Variants in BRSK1 observed in about 807,000 individuals in gnomAD.
The protein encoded by BRSK1 is serine/threonine-protein kinase BRSK1.
In BRSK1, 17 loss-of-function variants were observed where a neutral mutation model predicts 86.2. The ratio of observed to expected loss-of-function variants is 0.20; its 90% CI spans 0.14 to 0.30. The LOEUF (loss-of-function observed/expected upper bound fraction) is 0.30, where lower values mean the gene tolerates loss of function less well. Among genes scored for constraint, BRSK1 ranks in the 10% least tolerant of loss-of-function variants. The probability of loss-of-function intolerance (pLI) is 1.00; values close to 1 mark genes in which losing one functional copy is unlikely to be tolerated. For synonymous variants in BRSK1, 464 were observed against 440.1 expected (o/e 1.05, Z -0.68); for missense variants, 719 against 1,071.9 (o/e 0.67, Z 4.60).
chr19:55,289,753 A>C (rs1463524627), intron 4 of BRSK1, 133 bp downstream of exon 4: 22 of 1,186,116 alleles, frequency 1.9e-5, no homozygotes, highest in Non-Finnish European at 2.5e-5. Flanking sequence ...CATAACTCAT[A>C]CACCAGAAAA....
chr19:55,284,786 C>T (rs1252954904), intron 1 of BRSK1, among the ~76,000 whole-genome samples: 4 of 149,984 alleles, frequency 2.7e-5, no homozygotes, highest in African/African-American at 9.8e-5. Context: ...GGGCTGGGGG[C>T]CTGGACTCCT....
intron 7 of BRSK1, among the ~76,000 whole-genome samples, chr19:55,298,553 C>T (rs2088524220): frequency 6.6e-6 from 1 of 152,182 alleles, no homozygotes; most frequent in Non-Finnish European, 1.5e-5. Flanking sequence ...CAAAATGTAT[C>T]TGTAACCCAA....
chr19:55,288,961 T>A (rs12611091), intron 3 of BRSK1, among the ~76,000 whole-genome samples: 1 of 151,916 alleles, frequency 6.6e-6, no homozygotes, highest in East Asian at 1.9e-4. Flanking sequence ...CTTGGACTGG[T>A]GCAACCTTGC....
chr19:55,305,536 G>A lies in BRSK1; in HGVS notation c.1840G>A (p.Asp614Asn), dbSNP rs769830117. 6.8e-6 allele frequency: 11 copies of A among 1,614,044 alleles called. No individual in the cohort carries two copies. The African/African-American group carries it at 1.1e-4, about 16-fold the overall frequency. Residue 614 changes from aspartate to asparagine, a missense_variant, in exon 16 of 19, where the codon GAC becomes AAC. Asp to Asn is a conservative substitution (Grantham distance 23, BLOSUM62 1). Around this residue, in one of 6 missense-constraint regions of BRSK1, gnomAD observed 180 missense variants for 259.4 expected, o/e 0.69. Coordinates refer to ENST00000309383, the MANE Select transcript of BRSK1 (RefSeq NM_032430.2). The part of the protein sequence containing the change: ...KEEQIFLVLK[D>N]KPLSSIKADI... ...AGAACAAATATTCCTCGTGCTAAAG[G>A]ACAAACCTCTCAGCAGCATCAAAGC...
chr19:55,308,979 G>A (rs1355273082), intron 18 of BRSK1, among the ~76,000 whole-genome samples: 1 of 152,114 alleles, frequency 6.6e-6, no homozygotes, highest in African/African-American at 2.4e-5. Context: ...CCGAGAGGCT[G>A]GGGCCTGAGG....
Position 55,302,458 on chromosome 19 carries a change from G to T in BRSK1, c.858-239G>T. On this transcript the variant is annotated intron_variant, in intron 9 of 18. Transcript: ENST00000309383. This position sits in a 1 kb window ranked among gnomAD's most constrained non-coding sequence, Gnocchi z 6.3. ...GAGGGGCTGGGGGCCTGGACTTCTG[G>T]GTCTGAAGAAGGAGGGGCCGGGGGC... is the stretch of plus-strand genomic sequence containing the variant. 1 of 621,118 alleles carries T rather than the reference G, an allele frequency of 1.6e-6. No homozygotes were observed. Among genetic ancestry groups the T allele is most frequent in the South Asian group, 2.0e-5 (1 of 49,302 alleles). 38.5% of individuals were successfully genotyped at this position (621,118 alleles called of 1,614,324 possible).
Position 55,312,532 on chromosome 19 carries a change from G to GA in BRSK1, c.*464_*465insA. The GA allele has an allele frequency of 2.3e-5, 1 of 43,452 alleles. No individual in the cohort carries two copies. Among genetic ancestry groups the GA allele is most frequent in the African/African-American group, 2.9e-4 (1 of 3,440 alleles). The allele number at this position is 43,452 out of a possible 1,614,324, so 2.7% of individuals were successfully genotyped here. A position where few individuals can be genotyped will look rare whatever the true frequency, so the allele number is the denominator to read the frequency against. ...GTCCGTGTCTCTGATTCCGCCGGCGGCAAAAAAAAAAAAAAAAAAAAAAAA... is the reference window on the plus strand; with the variant it reads ...GTCCGTGTCTCTGATTCCGCCGGCGGACAAAAAAAAAAAAAAAAAAAAAAAA... On this transcript the variant is annotated 3_prime_UTR_variant, in exon 19 of 19. Transcript: ENST00000309383.
chr19:55,284,241 C>G lies in BRSK1; in HGVS notation c.-202C>G, dbSNP rs1266232692. 2.1e-6 allele frequency: 1 copy of G among 480,004 alleles called. No homozygotes were observed. Among genetic ancestry groups the G allele is most frequent in the Non-Finnish European group, 3.3e-6 (1 of 307,610 alleles). The allele number at this position is 480,004 out of a possible 1,614,324, so 29.7% of individuals were successfully genotyped here. A position where few individuals can be genotyped will look rare whatever the true frequency, so the allele number is the denominator to read the frequency against. On this transcript the variant is annotated 5_prime_UTR_variant, in exon 1 of 19. Coordinates refer to ENST00000309383, the MANE Select transcript of BRSK1 (RefSeq NM_032430.2). Reference sequence around the variant, plus strand: ...GGCCATGCTGACTCCCGGGGCCTGACCCCCCCGGGCCAGCCCCCCCTCCCC... The same window carrying G: ...GGCCATGCTGACTCCCGGGGCCTGAGCCCCCCGGGCCAGCCCCCCCTCCCC...
At chr19:55,299,331 A>G (rs1305263905) in intron 7 of BRSK1, among the ~76,000 whole-genome samples, 1 of 152,134 alleles carries the variant, frequency 6.6e-6, no homozygotes, top group Non-Finnish European at 1.5e-5. Flanking sequence ...ACTCTCAAGA[A>G]TAACAAGAAT....
intron 1 of BRSK1, among the ~76,000 whole-genome samples, chr19:55,285,544 C>G (rs2088297261): frequency 6.6e-6 from 1 of 152,150 alleles, no homozygotes; most frequent in Non-Finnish European, 1.5e-5. Context: ...GTTGGGGTGA[C>G]AGGGGCCGTG....
At position 55,302,397 on chromosome 19, in the gene BRSK1, A is replaced by G. The variant is rs2122975993; in HGVS notation, c.857+229A>G. On this transcript the variant is annotated intron_variant, in intron 9 of 18. Transcript: ENST00000309383. The surrounding 1 kb of genome is among the most constrained non-coding windows in gnomAD (Gnocchi z 6.3). ...CAGGACTCCCAGGTTTGAGGGAAAA[A>G]GGGACTGGGGGCCTGGACTCCTGGA... 1.2e-5 allele frequency: 7 copies of G among 601,414 alleles called. No homozygotes were observed. The highest frequency in any genetic ancestry group is 1.8e-5 in the Non-Finnish European group (6 of 342,172). The allele number at this position is 601,414 out of a possible 1,614,324, so 37.3% of individuals were successfully genotyped here.
intron 4 of BRSK1, among the ~76,000 whole-genome samples, chr19:55,289,996 T>C (rs1228829387): frequency 6.6e-6 from 1 of 152,100 alleles, no homozygotes; most frequent in African/African-American, 2.4e-5. Context: ...CTTTTTGTAT[T>C]GTTTTGTTTT....
At chr19:55,309,905 C>T (rs998818443) in intron 18 of BRSK1, among the ~76,000 whole-genome samples, 2 of 152,186 alleles carry the variant, frequency 1.3e-5, no homozygotes, top group South Asian at 2.1e-4. Flanking sequence ...CGTGGACAGC[C>T]GTCTGCTCTG....
rs866352526 is a variant in BRSK1, at chr19:55,303,561, C to T, written c.1127-106C>T. 21 of 1,490,456 alleles carry T rather than the reference C, an allele frequency of 1.4e-5. 1 individual carries two copies. In the South Asian group the frequency reaches 2.0e-4, roughly 14 times the overall value. The allele number at this position is 1,490,456 out of a possible 1,614,324, so 92.3% of individuals were successfully genotyped here. ...ACTTGCTCTTTGACATTTATCAAAT[C>T]CCCTCTCCACTCTAGGCCTGTTTCC... On this transcript the variant is annotated intron_variant, in intron 11 of 18. Transcript: ENST00000309383. This position sits in a 1 kb window ranked among gnomAD's most constrained non-coding sequence, Gnocchi z 5.1.
Position 55,304,243 on chromosome 19 carries a change from C to T in BRSK1, c.1347+133C>T. 1 of 949,806 alleles carries T rather than the reference C, an allele frequency of 1.1e-6. No homozygotes were observed. The highest frequency in any genetic ancestry group is 1.5e-6 in the Non-Finnish European group (1 of 648,568). The allele number at this position is 949,806 out of a possible 1,614,324, so 58.8% of individuals were successfully genotyped here. A position where few individuals can be genotyped will look rare whatever the true frequency, so the allele number is the denominator to read the frequency against. On this transcript the variant is annotated intron_variant, in intron 13 of 18. Coordinates refer to ENST00000309383, the MANE Select transcript of BRSK1 (RefSeq NM_032430.2). The surrounding 1 kb of genome is among the most constrained non-coding windows in gnomAD (Gnocchi z 5.2). The stretch of plus-strand genomic sequence containing the variant: ...CTTTGTCCCTGGAGGGCCAAAGACC[C>T]AAGGCCTCCAAAGTATTTTGGTCCA...
In BRSK1 at chr19:55,292,509, AGTTTTGGGCAC is replaced by A. The variant is rs990647149; in HGVS notation, c.459-1503_459-1493del. ...TGAGGCTTCCTCTTACTTTCTCTCC[AGTTTTGGGCAC>A]GTTTGTGATTGTCTATTATAAAAAG... On this transcript the variant is annotated intron_variant, in intron 4 of 18. Coordinates refer to ENST00000309383, the MANE Select transcript of BRSK1 (RefSeq NM_032430.2). 4.6e-5 allele frequency among the ~76,000 whole-genome samples: 7 copies of A among 152,192 alleles called. No individual in the cohort carries two copies. In the South Asian group the frequency reaches 1.5e-3, roughly 32 times the overall value.
intron 14 of BRSK1, 129 bp from the exon 15 acceptor site, chr19:55,305,192 G>A: frequency 7.5e-7 from 1 of 1,335,544 alleles, no homozygotes; most frequent in African/African-American, 1.5e-5. Context: ...CCCCGCCCAG[G>A]AGGGATGGCT....
At position 55,287,054 on chromosome 19, in the gene BRSK1, A is replaced by G. The variant is rs749610826; in HGVS notation, c.184A>G (p.Ile62Val). The G allele has an allele frequency of 2.1e-5, 34 of 1,613,618 alleles. No homozygotes were observed. Among genetic ancestry groups the G allele is most frequent in the Non-Finnish European group, 2.8e-5 (33 of 1,179,926 alleles). The change falls in exon 2 of 19, where the codon ATC (isoleucine) becomes GTC (valine). Residue 62 changes from isoleucine (I) to valine (V), a missense_variant. Around this residue, in one of 6 missense-constraint regions of BRSK1, gnomAD observed 71 missense variants for 92.6 expected, o/e 0.77. Coordinates refer to ENST00000309383, the MANE Select transcript of BRSK1 (RefSeq NM_032430.2). The surrounding 1 kb of genome is among the most constrained non-coding windows in gnomAD (Gnocchi z 5.3). ...VHCITGQKVA[I>V]KIVNREKLSE... Reference sequence around the variant, plus strand: ...CTGCATCACGGGTCAGAAGGTCGCCATCAAGATCGTGAACCGGGAGAAGCT... The same window carrying G: ...CTGCATCACGGGTCAGAAGGTCGCCGTCAAGATCGTGAACCGGGAGAAGCT...
In BRSK1 at chr19:55,303,021, C is replaced by A; in HGVS notation, c.1028+154C>A. 1.0e-6 allele frequency: 1 copy of A among 985,360 alleles called. No individual in the cohort carries two copies. The highest frequency in any genetic ancestry group is 1.5e-6 in the Non-Finnish European group (1 of 682,630). The allele number at this position is 985,360 out of a possible 1,614,324, so 61.0% of individuals were successfully genotyped here. A position where few individuals can be genotyped will look rare whatever the true frequency, so the allele number is the denominator to read the frequency against. ...GGAGTGATGGAACCAGCGGAGAAAA[C>A]GGCCCAGAAACACGCTGAGAAAGTA... On this transcript the variant is annotated intron_variant, in intron 10 of 18. Transcript: ENST00000309383. This position sits in a 1 kb window ranked among gnomAD's most constrained non-coding sequence, Gnocchi z 5.1.
Sources: allele counts gnomAD v4.1 joint callset (sites outside exome capture counted in the v4.1 genomes callset), GRCh38; gene constraint gnomAD v4.1.1; regional missense constraint gnomAD v4.1.1; non-coding constraint Gnocchi (gnomAD v3.1); transcripts MANE v1.5; gene names NCBI Gene and HGNC (gene_info 2026-07-23, HGNC 2026-07-21).